AGO4: variants seen among roughly 807,000 people sequenced by gnomAD.
The protein encoded by AGO4 is protein argonaute-4.
In AGO4, 33 loss-of-function variants were observed where a neutral mutation model predicts 104.7. The ratio of observed to expected loss-of-function variants is 0.32; its 90% CI spans 0.24 to 0.42. The LOEUF is 0.42. AGO4 is among the 10% of genes least tolerant of loss of function. The pLI, the probability that AGO4 is intolerant of heterozygous loss-of-function variation, is 1.00. For synonymous variants in AGO4, 331 were observed against 364.7 expected, an observed-to-expected ratio of 0.91 and a Z score of 1.05; for missense variants, 711 against 1,083.4, an observed-to-expected ratio of 0.66 and a Z score of 4.83.
At position 35,855,432 on chromosome 1, in the gene AGO4, G is replaced by C. The variant is rs1644796055; in HGVS notation, c.*1827G>C. On this transcript the variant is annotated 3_prime_UTR_variant, in exon 18 of 18. Coordinates refer to ENST00000373210, the MANE Select transcript of AGO4 (RefSeq NM_017629.4). ...GTTTAAATAAACTTGTAAATACATT[G>C]AAGTTTACATTTCCATGTGCTGTTG... is the stretch of plus-strand genomic sequence containing the variant. The C allele has an allele frequency of 6.6e-6, 1 of 152,528 alleles. No homozygotes were observed. Among genetic ancestry groups the C allele is most frequent in the African/African-American group, 2.4e-5 (1 of 41,422 alleles). The allele number at this position is 152,528 out of a possible 1,614,324, so 9.4% of individuals were successfully genotyped here.
chr1:35,851,280 C>G lies in AGO4; in HGVS notation c.2477+227C>G, dbSNP rs530637709. The stretch of plus-strand genomic sequence containing the variant: ...GTCTCTAAAGGAGTTTAATTTGGAG[C>G]TGCTTGTGGTTCTCCCATGGAGCCA... On this transcript the variant is annotated intron_variant, in intron 17 of 17. Transcript: ENST00000373210. 1.9e-3 allele frequency: 1,074 copies of G among 550,906 alleles called. 2 individuals are homozygous for G. The highest frequency in any genetic ancestry group is 3.2e-3 in the Non-Finnish European group (979 of 310,716). The allele number at this position is 550,906 out of a possible 1,614,324, so 34.1% of individuals were successfully genotyped here.
intron 1 of AGO4, among the ~76,000 whole-genome samples, chr1:35,814,317 ATTTTT>A (rs937149028): frequency 6.6e-6 from 1 of 151,720 alleles, no homozygotes; most frequent in Non-Finnish European, 1.5e-5. Flanking sequence ...TTTTTTTTAA[ATTTTT>A]TTTATTATAC....
chr1:35,836,455 G>A (rs1644315357), intron 13 of AGO4, among the ~76,000 whole-genome samples: 1 of 152,304 alleles, frequency 6.6e-6, no homozygotes, highest in Admixed American at 6.5e-5. Flanking sequence ...GTCCCCCAAG[G>A]TTGGAGTGCA....
Position 35,841,489 on chromosome 1 carries a change from A to G in AGO4, c.2040+9A>G. The G allele has an allele frequency of 1.2e-6, 2 of 1,610,600 alleles. No individual in the cohort carries two copies. Among genetic ancestry groups the G allele is most frequent in the Non-Finnish European group, 1.7e-6 (2 of 1,177,036 alleles). On this transcript the variant is annotated intron_variant, in intron 14 of 17. Coordinates refer to ENST00000373210, the MANE Select transcript of AGO4 (RefSeq NM_017629.4). This position sits in a 1 kb window ranked among gnomAD's most constrained non-coding sequence, Gnocchi z 4.7. ...AGGGACAAATGAAACAGGTACTCTC[A>G]TTATCCCTGTTGCCCTTCGGGGCCC...
At chr1:35,828,726 G>A (rs1350848613) in intron 7 of AGO4, among the ~76,000 whole-genome samples, 1 of 151,980 alleles carries the variant, frequency 6.6e-6, no homozygotes, top group Non-Finnish European at 1.5e-5. Flanking sequence ...CCTCTATGTT[G>A]GCCAGGCTGA....
chr1:35,818,941 GA>G (rs1180967993), intron 2 of AGO4, among the ~76,000 whole-genome samples: 3 of 152,162 alleles, frequency 2.0e-5, no homozygotes, highest in Non-Finnish European at 4.4e-5. Context: ...ATGCTGTGCT[GA>G]AATTAGACCC....
chr1:35,840,813 A>G (rs1423181492), intron 13 of AGO4, among the ~76,000 whole-genome samples: 1 of 152,008 alleles, frequency 6.6e-6, no homozygotes, highest in Non-Finnish European at 1.5e-5. Flanking sequence ...CTGGGTCTTG[A>G]TATATTGCCC....
At chr1:35,817,427 A>ATC (rs963203049) in intron 2 of AGO4, among the ~76,000 whole-genome samples, 4 of 151,982 alleles carry the variant, frequency 2.6e-5, no homozygotes, top group African/African-American at 9.7e-5. Flanking sequence ...ATATATATAT[A>ATC]TCAATACAGA....
At position 35,856,389 on chromosome 1, in the gene AGO4, A is replaced by G. The variant is rs370147334; in HGVS notation, c.*2784A>G. Reference sequence around the variant, plus strand: ...TGAATCGTTATGCATGTGTCAATCAATGGGAGGTGTGCATTCTCTAGAAGT... The same window carrying G: ...TGAATCGTTATGCATGTGTCAATCAGTGGGAGGTGTGCATTCTCTAGAAGT... On this transcript the variant is annotated 3_prime_UTR_variant, in exon 18 of 18. Transcript: ENST00000373210. 1.1e-4 allele frequency: 17 copies of G among 152,354 alleles called. No individual in the cohort carries two copies. Among genetic ancestry groups the G allele is most frequent in the African/African-American group, 4.1e-4 (17 of 41,590 alleles). 9.4% of individuals were successfully genotyped at this position (152,354 alleles called of 1,614,324 possible). A position where few individuals can be genotyped will look rare whatever the true frequency, so the allele number is the denominator to read the frequency against.
Position 35,841,462 on chromosome 1 carries a change from T to C in AGO4, c.2022T>C (p.Ser674=). Residue 674 remains serine (S), a synonymous_variant, in exon 14 of 18, where the codon TCT becomes TCC. Coordinates refer to ENST00000373210, the MANE Select transcript of AGO4 (RefSeq NM_017629.4). The surrounding 1 kb of genome is among the most constrained non-coding windows in gnomAD (Gnocchi z 4.7). ...TRIIYYRGGV[S]EGQMKQVAWP... is the part of the protein sequence containing the mutation. ...TCATCTATTACCGTGGAGGGGTATCTGAGGGACAAATGAAACAGGTACTCT... is the reference window on the plus strand; with the variant it reads ...TCATCTATTACCGTGGAGGGGTATCCGAGGGACAAATGAAACAGGTACTCT... The C allele has an allele frequency of 6.2e-7, 1 of 1,612,774 alleles. No individual in the cohort carries two copies. Among genetic ancestry groups the C allele is most frequent in the South Asian group, 1.1e-5 (1 of 91,076 alleles).
chr1:35,811,669 T>C lies in AGO4; in HGVS notation c.19+3234T>C, dbSNP rs184233060. Among the ~76,000 whole-genome samples the C allele has an allele frequency of 3.7e-3, 556 of 152,064 alleles. 5 individuals carry two copies. Among genetic ancestry groups the C allele is most frequent in the African/African-American group, 0.013 (529 of 41,530 alleles). On this transcript the variant is annotated intron_variant, in intron 1 of 17. Transcript: ENST00000373210. ...CCCAGGCTGGAGTGCAGTGGCGCCATCTCGGCTCACTGCAGCCTCCACCTC... is the reference window on the plus strand; with the variant it reads ...CCCAGGCTGGAGTGCAGTGGCGCCACCTCGGCTCACTGCAGCCTCCACCTC...
intron 11 of AGO4, 33 bp downstream of exon 11, chr1:35,832,603 T>C: frequency 1.2e-6 from 2 of 1,607,336 alleles, no homozygotes; most frequent in Non-Finnish European, 1.7e-6. Context: ...CTTAGTAATA[T>C]CCCTTCCAGA....
chr1:35,842,751 G>A (rs1644474518), intron 15 of AGO4, among the ~76,000 whole-genome samples: 1 of 151,972 alleles, frequency 6.6e-6, no homozygotes, highest in East Asian at 1.9e-4. Context: ...GCAGTGAGCC[G>A]AGATCATACC....
Position 35,831,362 on chromosome 1 carries a change from AAAAAG to A in AGO4, c.849-60_849-56del, listed in dbSNP as rs561427295. On this transcript the variant is annotated intron_variant, in intron 7 of 17. Transcript: ENST00000373210. The stretch of plus-strand genomic sequence containing the variant: ...TGAGACACTGTCTCAAAAAAAAAGA[AAAAAG>A]AAAAAGAAGAAAAGAAAGAACTTGA... The A allele has an allele frequency of 1.9e-4, 287 of 1,532,606 alleles. 2 individuals carry two copies. The Admixed American group carries it at 6.1e-3, about 32-fold the overall frequency. The allele number at this position is 1,532,606 out of a possible 1,614,324, so 94.9% of individuals were successfully genotyped here.
intron 1 of AGO4, among the ~76,000 whole-genome samples, chr1:35,816,282 T>C (rs1308797834): frequency 6.6e-6 from 1 of 152,206 alleles, no homozygotes; most frequent in Non-Finnish European, 1.5e-5. Context: ...GCTTTACTAA[T>C]GCTCATGCAA....
chr1:35,834,231 C>A (rs908683740), intron 12 of AGO4, 57 bp downstream of exon 12: 8 of 1,388,942 alleles, frequency 5.8e-6, no homozygotes, highest in Non-Finnish European at 6.7e-6. Context: ...ATATAACAGT[C>A]AGGATAAGCT....
intron 16 of AGO4, 70 bp downstream of exon 16, chr1:35,850,328 G>T (rs1644669283): frequency 3.4e-6 from 4 of 1,162,922 alleles, no homozygotes; most frequent in Admixed American, 3.4e-5. Flanking sequence ...ACTAGCTTGA[G>T]TCGACTTGTT....
At chr1:35,831,617 G>C in intron 8 of AGO4, 43 bp downstream of exon 8, 1 of 1,592,532 alleles carries the variant, frequency 6.3e-7, no homozygotes, top group Non-Finnish European at 8.5e-7. Flanking sequence ...TCTCTTGAAT[G>C]AGTATATATT....
chr1:35,830,665 T>C (rs1472798748), intron 7 of AGO4, among the ~76,000 whole-genome samples: 1 of 152,124 alleles, frequency 6.6e-6, no homozygotes, highest in African/African-American at 2.4e-5. Context: ...TAAGTGAAAA[T>C]GCTCAAATAA....
Sources: gnomAD v4.1 joint callset for allele counts (sites outside exome capture counted in the v4.1 genomes callset) on GRCh38, gnomAD v4.1.1 for gene constraint, Gnocchi (gnomAD v3.1) non-coding constraint, MANE v1.5 for transcripts, NCBI Gene and HGNC (gene_info 2026-07-23, HGNC 2026-07-21) for gene names.